Variants in ABHD8 observed in about 807,000 individuals in gnomAD.
ABHD8 encodes the protein abhydrolase domain containing 8, also known as protein ABHD8.
ABHD8 carries 10 observed loss-of-function variants against 29.3 expected under a neutral mutation model. That is an observed-to-expected ratio of 0.34 (90% CI 0.21 to 0.58). The LOEUF (loss-of-function observed/expected upper bound fraction) is 0.58, where lower values mean the gene tolerates loss of function less well. ABHD8 is among the 20% of genes least tolerant of loss of function. ABHD8 has a pLI of 0.85. For synonymous variants in ABHD8, 282 were observed against 274.6 expected (o/e 1.03, Z -0.27); for missense variants, 556 against 615.3 (o/e 0.90, Z 1.02).
Position 17,293,003 on chromosome 19 carries a change from C to T in ABHD8, c.1150-172G>A, listed in dbSNP as rs185613077. 2,508 of 690,800 alleles carry T rather than the reference C, an allele frequency of 3.6e-3. 6 individuals carry two copies. Among genetic ancestry groups the T allele is most frequent in the Non-Finnish European group, 4.7e-3 (2,104 of 444,236 alleles). 42.8% of individuals were successfully genotyped at this position (690,800 alleles called of 1,614,324 possible). On this transcript the variant is annotated intron_variant, in intron 4 of 4. Transcript: ENST00000247706. ...GGGGGAGCTGGAGGATGGCCTGTAG[C>T]CCTGCTGGAACCCAACTAGTATTCA...
Position 17,294,826 on chromosome 19 carries a change from G to T in ABHD8, c.781C>A (p.Leu261Met). Residue 261 changes from leucine to methionine, a missense_variant, in exon 3 of 5, where the codon CTG (leucine) becomes ATG (methionine). By Grantham distance (15) the Leu-to-Met change is conservative. Transcript: ENST00000247706. ...ACTAGGTCTGGGTACTCATGTGCCA[G>T]GAATGTGCAGAAAGAGACACTGCCC... ...HSYGVSFCTF[L>M]AHEYPDLVHK... The T allele has an allele frequency of 6.2e-7, 1 of 1,614,094 alleles. No homozygotes were observed.
In ABHD8 at chr19:17,301,538, C is replaced by T. The variant is rs142856821; in HGVS notation, c.79G>A (p.Val27Ile). Residue 27 changes from valine (V) to isoleucine (I), a missense_variant, in exon 2 of 5, where the codon GTC becomes ATC. By Grantham distance (29) the Val-to-Ile change is conservative. This residue lies in a region of ABHD8 where 286 missense variants were observed against 261.4 expected (regional missense o/e 1.09). Transcript: ENST00000247706. ...AAGGTGTAGCCATCGCTGGACTCGA[C>T]GCTCTCCAGTGGCCCCACGGCGTTG... ...PPNAVGPLES[V>I]ESSDGYTFVE... is the part of the protein sequence containing the mutation. The T allele has an allele frequency of 4.0e-5, 64 of 1,609,698 alleles. No homozygotes were observed. The highest frequency in any genetic ancestry group is 4.8e-5 in the Non-Finnish European group (57 of 1,178,416).
At position 17,293,101 on chromosome 19, in the gene ABHD8, T is replaced by TC. The variant is rs1461029481; in HGVS notation, c.1150-271_1150-270insG. On this transcript the variant is annotated intron_variant, in intron 4 of 4. Transcript: ENST00000247706. ...TTCTTCTTTTTTTCTTTTCTTTCTT[T>TC]TTTTTTTTTTTTGAGACAGAGTCTT... Among the ~76,000 whole-genome samples the TC allele has an allele frequency of 4.1e-5, 6 of 147,924 alleles. No homozygotes were observed. The South Asian group carries it at 6.3e-4, about 16-fold the overall frequency.
intron 2 of ABHD8, among the ~76,000 whole-genome samples, chr19:17,299,464 G>A (rs1413019799): frequency 1.3e-5 from 2 of 151,074 alleles, no homozygotes; most frequent in Admixed American, 6.6e-5. Flanking sequence ...GGGAGGCTGA[G>A]GCAGGAGAAT....
intron 2 of ABHD8, among the ~76,000 whole-genome samples, chr19:17,295,886 T>TAGCTGAGCATGGTGGCACATGCC (rs2074091874): frequency 6.6e-6 from 1 of 152,102 alleles, no homozygotes; most frequent in Non-Finnish European, 1.5e-5. Context: ...TTTTAAAAAT[T>TAGCTGAGCATGGTGGCACATGCC]TTTTTATAAA....
chr19:17,294,628 G>A (rs1437633260), intron 3 of ABHD8, 47 bp downstream of exon 3: 3 of 1,608,896 alleles, frequency 1.9e-6, no homozygotes, highest in Non-Finnish European at 2.6e-6. Context: ...GCAGATGCCT[G>A]GGTTCGCCAG....
intron 2 of ABHD8, among the ~76,000 whole-genome samples, chr19:17,297,029 T>C (rs2074096810): frequency 6.6e-6 from 1 of 152,172 alleles, no homozygotes; most frequent in Middle Eastern, 3.2e-3. Flanking sequence ...TTATCAGAAG[T>C]TCCAACAGTG....
In ABHD8 at chr19:17,301,202, C is replaced by G. The variant is rs946527902; in HGVS notation, c.415G>C (p.Gly139Arg). 1 of 1,598,930 alleles carries G rather than the reference C, an allele frequency of 6.3e-7. No individual in the cohort carries two copies. Among genetic ancestry groups the G allele is most frequent in the African/African-American group, 1.3e-5 (1 of 74,606 alleles). The change falls in exon 2 of 5, where the codon GGC becomes CGC. Residue 139 changes from glycine to arginine, a missense_variant. By Grantham distance (125) the Gly-to-Arg change is moderately radical. This residue lies in a region of ABHD8 where 286 missense variants were observed against 261.4 expected (regional missense o/e 1.09). Transcript: ENST00000247706. ...CGCCCACCACTGCCACTGCCGCTGC[C>G]GCTGCCTGCGCTGCCGGGGGCCAAG... ...GRLAPGSAGSGSGSGSGGRRR... is the reference protein window; with the variant it reads ...GRLAPGSAGSRSGSGSGGRRR...
chr19:17,292,609 C>T lies in ABHD8; in HGVS notation c.*52G>A. 1 of 1,540,024 alleles carries T rather than the reference C, an allele frequency of 6.5e-7. No homozygotes were observed. Among genetic ancestry groups the T allele is most frequent in the Non-Finnish European group, 8.7e-7 (1 of 1,143,866 alleles). ...GCTGCAGACCTGGCGCAGGCTCGGG[C>T]CTCCTCCTGCTGCGGCTGTGCTCAC... On this transcript the variant is annotated 3_prime_UTR_variant, in exon 5 of 5. Transcript: ENST00000247706.
In ABHD8 at chr19:17,300,839, T is replaced by C; in HGVS notation, c.761+17A>G. ...CCCCATCCCTCACCCCCACCCCACA[T>C]GCCAGGGTTCACTTACCCGTAGGAA... On this transcript the variant is annotated intron_variant, in intron 2 of 4. Coordinates refer to ENST00000247706, the MANE Select transcript of ABHD8 (RefSeq NM_024527.5). 6.4e-7 allele frequency: 1 copy of C among 1,570,678 alleles called. No homozygotes were observed. The highest frequency in any genetic ancestry group is 2.3e-5 in the East Asian group (1 of 44,214).
In ABHD8 at chr19:17,294,564, CCCCGATGCCA is replaced by C. The variant is rs1370042134; in HGVS notation, c.933-70_933-61del. 8.9e-5 allele frequency: 144 copies of C among 1,610,396 alleles called. 1 individual carries two copies. The highest frequency in any genetic ancestry group is 1.2e-4 in the Non-Finnish European group (140 of 1,178,456). On this transcript the variant is annotated intron_variant, in intron 3 of 4. Coordinates refer to ENST00000247706, the MANE Select transcript of ABHD8 (RefSeq NM_024527.5). ...TGCCAGCCCGACTGCCGTGGGGTGCCCCCGATGCCAGCCCTAGTCCCAGCGGTACAGTCCC... is the reference window on the plus strand; with the variant it reads ...TGCCAGCCCGACTGCCGTGGGGTGCCGCCCTAGTCCCAGCGGTACAGTCCC...
At chr19:17,302,839 T>A (rs2074126925) in intron 1 of ABHD8, 1 of 152,094 alleles carries the variant, frequency 6.6e-6, no homozygotes, top group Non-Finnish European at 1.5e-5. Context: ...AAGGGGGGGA[T>A]ACCCGAGCAG....
In ABHD8 at chr19:17,294,830, T is replaced by C; in HGVS notation, c.777A>G (p.Thr259=). ...GGTCTGGGTACTCATGTGCCAGGAATGTGCAGAAAGAGACACTGCCCGGAA... is the reference window on the plus strand; with the variant it reads ...GGTCTGGGTACTCATGTGCCAGGAACGTGCAGAAAGAGACACTGCCCGGAA... ...IGHSYGVSFC[T]FLAHEYPDLV... is the part of the protein sequence containing the mutation. The change falls in exon 3 of 5, where the codon ACA becomes ACG. Residue 259 remains threonine (T), a synonymous_variant. Transcript: ENST00000247706. 6.2e-7 allele frequency: 1 copy of C among 1,614,082 alleles called. No individual in the cohort carries two copies. Among genetic ancestry groups the C allele is most frequent in the Non-Finnish European group, 8.5e-7 (1 of 1,179,942 alleles).
At chr19:17,296,890 T>G (rs1183659766) in intron 2 of ABHD8, among the ~76,000 whole-genome samples, 1 of 152,132 alleles carries the variant, frequency 6.6e-6, no homozygotes, top group Non-Finnish European at 1.5e-5. Flanking sequence ...AGACGGGGTT[T>G]CACCGTGTTA....
chr19:17,292,456 G>C lies in ABHD8; in HGVS notation c.*205C>G. On this transcript the variant is annotated 3_prime_UTR_variant, in exon 5 of 5. Transcript: ENST00000247706. ...GCCCCAAAACGCCGATGGGCCCCGC[G>C]GGACGGAAGCGGAGAGCGGAATGTC... The C allele has an allele frequency of 1.7e-6, 1 of 596,894 alleles. No homozygotes were observed. Among genetic ancestry groups the C allele is most frequent in the South Asian group, 2.8e-5 (1 of 35,550 alleles). The allele number at this position is 596,894 out of a possible 1,614,324, so 37.0% of individuals were successfully genotyped here. A position where few individuals can be genotyped will look rare whatever the true frequency, so the allele number is the denominator to read the frequency against.
rs1304190715 is a variant in ABHD8, at chr19:17,297,171, T to G, written c.762-2326A>C. Among the ~76,000 whole-genome samples, 3 of 152,382 alleles carry G rather than the reference T, an allele frequency of 2.0e-5. No individual in the cohort carries two copies. In the East Asian group the frequency reaches 5.8e-4, roughly 29 times the overall value. On this transcript the variant is annotated intron_variant, in intron 2 of 4. Transcript: ENST00000247706. The stretch of plus-strand genomic sequence containing the variant: ...CTGATTGTGTCAGGGACTTCCTGTA[T>G]GCCTTTGGGCAGGTTGCTTCACCTC...
At chr19:17,301,852 GGCCGGA>G (rs2145660895) in intron 1 of ABHD8, among the ~76,000 whole-genome samples, 1 of 152,090 alleles carries the variant, frequency 6.6e-6, no homozygotes, top group East Asian at 1.9e-4. Flanking sequence ...GGAGGGCAGT[GGCCGGA>G]TTTCGGCTTA....
chr19:17,301,542 C>T lies in ABHD8; in HGVS notation c.75G>A (p.Glu25=). ...TGTAGCCATCGCTGGACTCGACGCT[C>T]TCCAGTGGCCCCACGGCGTTGGGGG... The part of the protein sequence containing the change: ...GTPPNAVGPL[E]SVESSDGYTF... The change falls in exon 2 of 5, where the codon GAG becomes GAA. Residue 25 remains glutamate, a synonymous_variant. Coordinates refer to ENST00000247706, the MANE Select transcript of ABHD8 (RefSeq NM_024527.5). The T allele has an allele frequency of 6.2e-7, 1 of 1,609,072 alleles. No homozygotes were observed. The highest frequency in any genetic ancestry group is 8.5e-7 in the Non-Finnish European group (1 of 1,177,934).
intron 2 of ABHD8, among the ~76,000 whole-genome samples, chr19:17,300,147 G>T (rs922582162): frequency 6.7e-6 from 1 of 150,164 alleles, no homozygotes; most frequent in South Asian, 2.1e-4. Context: ...CTCGTGATCC[G>T]CCCGCCTCAG....
Sources: allele counts gnomAD v4.1 joint callset (sites outside exome capture counted in the v4.1 genomes callset), GRCh38; gene constraint gnomAD v4.1.1; regional missense constraint gnomAD v4.1.1; transcripts MANE v1.5; gene names NCBI Gene and HGNC (gene_info 2026-07-23, HGNC 2026-07-21).